Variants in TENM4 observed in about 807,000 individuals in gnomAD.
TENM4 encodes teneurin-4.
A neutral mutation model predicts 243.3 loss-of-function variants in TENM4; 82 were observed. The observed-to-expected ratio is 0.34, with a 90% CI of 0.28 to 0.40. TENM4 has a LOEUF of 0.40. Ranked by LOEUF, TENM4 falls within the 10% of genes least tolerant of loss-of-function variation. The probability of loss-of-function intolerance (pLI) is 1.00; values close to 1 mark genes in which losing one functional copy is unlikely to be tolerated. For missense variants in TENM4, 3,138 were observed against 3,673.3 expected (o/e 0.85, Z 3.77); for synonymous variants, 1,412 against 1,456.3 (o/e 0.97, Z 0.69).
intron 19 of TENM4, among the ~76,000 whole-genome samples, chr11:78,742,998 C>T (rs1339012569): frequency 6.6e-6 from 1 of 152,142 alleles, no homozygotes; most frequent in Non-Finnish European, 1.5e-5. Flanking sequence ...CAAATGCAGG[C>T]TGAAGTTTTT....
intron 12 of TENM4, among the ~76,000 whole-genome samples, chr11:78,848,714 T>A (rs987580320): frequency 5.9e-5 from 9 of 152,110 alleles, no homozygotes; most frequent in African/African-American, 2.2e-4. Flanking sequence ...AAATCTTTCA[T>A]CTCCCTTAAT....
chr11:79,060,578 C>G (rs1860060751), intron 6 of TENM4, among the ~76,000 whole-genome samples: 1 of 152,154 alleles, frequency 6.6e-6, no homozygotes, highest in African/African-American at 2.4e-5. Context: ...TGGTAAGGAT[C>G]TCTGAGAACT....
At chr11:79,396,124 A>G (rs933440088) in intron 1 of TENM4, among the ~76,000 whole-genome samples, 3 of 152,172 alleles carry the variant, frequency 2.0e-5, no homozygotes, top group Admixed American at 6.5e-5. Flanking sequence ...TTCATGGCCA[A>G]CACATTTTTA....
intron 16 of TENM4, among the ~76,000 whole-genome samples, chr11:78,786,514 G>A (rs536796): frequency 0.088 from 13,384 of 152,268 alleles, 1,562 homozygotes; most frequent in African/African-American, 0.27. Context: ...CCCATCTTAC[G>A]AGTGAGGAAA....
At chr11:78,672,795 G>C (rs141992590) in intron 30 of TENM4, among the ~76,000 whole-genome samples, 2 of 152,220 alleles carry the variant, frequency 1.3e-5, no homozygotes, top group African/African-American at 4.8e-5. Context: ...CCTGGATCTC[G>C]TGGCTGGTGA....
chr11:79,361,165 T>C (rs1857581983), intron 1 of TENM4, among the ~76,000 whole-genome samples: 1 of 152,178 alleles, frequency 6.6e-6, no homozygotes, highest in Admixed American at 6.5e-5. Flanking sequence ...ATAATATCAG[T>C]GCCACCCCTC....
chr11:79,175,841 T>C (rs1863147938), intron 3 of TENM4, among the ~76,000 whole-genome samples: 1 of 152,256 alleles, frequency 6.6e-6, no homozygotes, highest in African/African-American at 2.4e-5. Flanking sequence ...TCCCAGCATT[T>C]TGGGAGGCCA....
intron 2 of TENM4, among the ~76,000 whole-genome samples, chr11:79,296,750 C>G (rs747053030): frequency 1.6e-4 from 24 of 152,234 alleles, no homozygotes; most frequent in Non-Finnish European, 2.9e-4. Flanking sequence ...CCATCGTTTT[C>G]TCCTTTGCAA....
intron 4 of TENM4, among the ~76,000 whole-genome samples, chr11:79,081,646 C>G (rs1337253451): frequency 6.6e-6 from 1 of 151,914 alleles, no homozygotes; most frequent in East Asian, 1.9e-4. Flanking sequence ...TTCACCAGGC[C>G]TTTTGCTATT....
At position 78,786,768 on chromosome 11, in the gene TENM4, C is replaced by A. The variant is rs2136037203; in HGVS notation, c.2365+130G>T. 8 of 1,301,162 alleles carry A rather than the reference C, an allele frequency of 6.1e-6. No individual in the cohort carries two copies. The South Asian group carries it at 7.1e-5, about 11-fold the overall frequency. The allele number at this position is 1,301,162 out of a possible 1,614,324, so 80.6% of individuals were successfully genotyped here. A position where few individuals can be genotyped will look rare whatever the true frequency, so the allele number is the denominator to read the frequency against. ...TGGCTAGGAAATGCCAGTCATAATACCTCCAGATGAAAGGACTTTCTTCCC... is the reference window on the plus strand; with the variant it reads ...TGGCTAGGAAATGCCAGTCATAATAACTCCAGATGAAAGGACTTTCTTCCC... On this transcript the variant is annotated intron_variant, in intron 16 of 33. Coordinates refer to ENST00000278550, the MANE Select transcript of TENM4 (RefSeq NM_001098816.3).
chr11:79,170,630 A>G (rs1330898321), intron 3 of TENM4, among the ~76,000 whole-genome samples: 2 of 152,166 alleles, frequency 1.3e-5, no homozygotes, highest in East Asian at 1.9e-4. Flanking sequence ...GGATGCCTCT[A>G]TATACGAAGG....
At chr11:78,841,407 A>C (rs893974501) in intron 12 of TENM4, among the ~76,000 whole-genome samples, 25 of 152,138 alleles carry the variant, frequency 1.6e-4, no homozygotes, top group Admixed American at 7.2e-4. Context: ...TTTAGGCCAT[A>C]AGTGGGTTAC....
chr11:79,083,374 G>A (rs1190670325), intron 4 of TENM4, among the ~76,000 whole-genome samples: 3 of 152,174 alleles, frequency 2.0e-5, no homozygotes, highest in Non-Finnish European at 2.9e-5. Context: ...GTCATCCAAA[G>A]CCTTTATACG....
intron 12 of TENM4, among the ~76,000 whole-genome samples, chr11:78,820,413 C>T (rs115237282): frequency 6.6e-6 from 1 of 152,112 alleles, no homozygotes; most frequent in Non-Finnish European, 1.5e-5. Flanking sequence ...GCTCTGGAAC[C>T]CTTACTAGCT....
intron 6 of TENM4, among the ~76,000 whole-genome samples, chr11:78,966,044 C>T (rs973479908): frequency 3.3e-5 from 5 of 151,878 alleles, no homozygotes; most frequent in East Asian, 1.9e-4. Context: ...CAGCATGTAC[C>T]GGAGCAGGGT....
At chr11:78,711,539 A>G (rs1272448845) in intron 26 of TENM4, among the ~76,000 whole-genome samples, 1 of 152,220 alleles carries the variant, frequency 6.6e-6, no homozygotes, top group African/African-American at 2.4e-5. Context: ...TAATAATACA[A>G]TCACTTAGAA....
intron 25 of TENM4, among the ~76,000 whole-genome samples, chr11:78,718,094 C>T (rs1028032815): frequency 6.6e-6 from 1 of 152,138 alleles, no homozygotes. Context: ...CTGGGAGTGG[C>T]TGGGACAGTT....
At chr11:79,384,937 T>TAAAATAAAA (rs376695919) in intron 1 of TENM4, among the ~76,000 whole-genome samples, 1 of 114,376 alleles carries the variant, frequency 8.7e-6, no homozygotes, top group Non-Finnish European at 1.8e-5. Flanking sequence ...AAAAATAAAA[T>TAAAATAAAA]TAAAATAAAA....
intron 27 of TENM4, among the ~76,000 whole-genome samples, chr11:78,706,524 A>C (rs1239745985): frequency 6.6e-6 from 1 of 152,180 alleles, no homozygotes; most frequent in South Asian, 2.1e-4. Context: ...GTGTCTGTAA[A>C]ATAGATGCCA....
Sources: allele counts gnomAD v4.1 joint callset (sites outside exome capture counted in the v4.1 genomes callset), GRCh38; gene constraint gnomAD v4.1.1; transcripts MANE v1.5; gene names NCBI Gene and HGNC (gene_info 2026-07-23, HGNC 2026-07-21).